Variants in PRR16 observed in about 807,000 individuals in gnomAD.
PRR16 encodes the protein protein Largen.
In PRR16, 6 loss-of-function variants were observed where a neutral mutation model predicts 18.2. The ratio of observed to expected loss-of-function variants is 0.33; its 90% confidence interval spans 0.18 to 0.65. The LOEUF is 0.65. PRR16 is among the 30% of genes least tolerant of loss of function. The pLI is 0.74. For missense variants in PRR16, 412 were observed against 376.6 expected (o/e 1.09, Z -0.78); for synonymous variants, 151 against 147.8 (o/e 1.02, Z -0.16).
intron 1 of PRR16, among the ~76,000 whole-genome samples, chr5:120,679,803 C>G (rs1756916219): frequency 6.6e-6 from 1 of 151,868 alleles, no homozygotes; most frequent in Non-Finnish European, 1.5e-5. Flanking sequence ...AAAACAACAA[C>G]AACAAAAACA....
intron 1 of PRR16, chr5:120,618,680 C>T (rs1403686086): frequency 2.2e-6 from 1 of 447,820 alleles, no homozygotes; most frequent in Admixed American, 6.4e-5. Context: ...ATTTAAAAGT[C>T]TGCCTGTGTC....
At chr5:120,640,887 A>G (rs1005435513) in intron 1 of PRR16, among the ~76,000 whole-genome samples, 1 of 152,178 alleles carries the variant, frequency 6.6e-6, no homozygotes, top group Non-Finnish European at 1.5e-5. Context: ...TCACTTTGCC[A>G]TTCTGTGACT....
chr5:120,566,463 G>C lies in PRR16; in HGVS notation c.159+101818G>C, dbSNP rs140641095. Among the ~76,000 whole-genome samples, 429 of 152,252 alleles carry C rather than the reference G, an allele frequency of 2.8e-3. 1 individual carries two copies. Among genetic ancestry groups the C allele is most frequent in the African/African-American group, 8.9e-3 (369 of 41,544 alleles). On this transcript the variant is annotated intron_variant, in intron 1 of 1. Transcript: ENST00000407149. ...CTGCCATATACTTTTGAATCTTGTT[G>C]AGCTTTATGTATATTATTTTGGTGT...
At chr5:120,641,036 C>T (rs1755405076) in intron 1 of PRR16, among the ~76,000 whole-genome samples, 1 of 152,010 alleles carries the variant, frequency 6.6e-6, no homozygotes, top group African/African-American at 2.4e-5. Flanking sequence ...ACCAGAAGAG[C>T]AGAGTATGGG....
intron 1 of PRR16, among the ~76,000 whole-genome samples, chr5:120,580,715 A>C (rs1753244779): frequency 6.6e-6 from 1 of 152,098 alleles, no homozygotes; most frequent in Non-Finnish European, 1.5e-5. Flanking sequence ...TCAGCCTCCT[A>C]AAGTGCTGGG....
chr5:120,472,434 C>A lies in PRR16; in HGVS notation c.159+7789C>A, dbSNP rs536034394. 2.6e-5 allele frequency among the ~76,000 whole-genome samples: 4 copies of A among 152,124 alleles called. No homozygotes were observed. The East Asian group carries it at 7.7e-4, about 29-fold the overall frequency. Reference sequence around the variant, plus strand: ...GCATCAGTGGTTCTTAATAGTCTCCCTCCCCCCATATCACAAACCCCTTTG... The same window carrying A: ...GCATCAGTGGTTCTTAATAGTCTCCATCCCCCCATATCACAAACCCCTTTG... On this transcript the variant is annotated intron_variant, in intron 1 of 1. Transcript: ENST00000407149.
chr5:120,677,394 C>T (rs1756833422), intron 1 of PRR16, among the ~76,000 whole-genome samples: 1 of 152,128 alleles, frequency 6.6e-6, no homozygotes, highest in Non-Finnish European at 1.5e-5. Flanking sequence ...GTGTTGGACA[C>T]AGTTCTTTTA....
At chr5:120,583,047 C>T (rs1753325364) in intron 1 of PRR16, among the ~76,000 whole-genome samples, 1 of 152,134 alleles carries the variant, frequency 6.6e-6, no homozygotes, top group African/African-American at 2.4e-5. Context: ...ATTGGAAGGC[C>T]CATGTGGGGC....
intron 1 of PRR16, among the ~76,000 whole-genome samples, chr5:120,649,111 C>T (rs1035470801): frequency 2.6e-5 from 4 of 152,030 alleles, no homozygotes; most frequent in Admixed American, 2.0e-4. Flanking sequence ...AGTCAGTGCA[C>T]GCTGGCTCGA....
the PRR16 span, among the ~76,000 whole-genome samples, chr5:120,783,268 C>T: frequency 1.3e-5 from 2 of 152,198 alleles, no homozygotes; most frequent in South Asian, 2.1e-4. Context: ...TGAAATGAAA[C>T]GTTTTTTCTA....
At chr5:120,752,774 TACTC>T in the PRR16 span, among the ~76,000 whole-genome samples, 1 of 151,874 alleles carries the variant, frequency 6.6e-6, no homozygotes, top group African/African-American at 2.4e-5. Context: ...GTAGGGAAAA[TACTC>T]ATTACGAGAT....
chr5:120,623,775 G>T (rs759022665), intron 1 of PRR16, among the ~76,000 whole-genome samples: 1 of 151,974 alleles, frequency 6.6e-6, no homozygotes, highest in Non-Finnish European at 1.5e-5. Flanking sequence ...GTGTTACACC[G>T]AGGAAAAGCA....
At chr5:120,475,372 C>G (rs938470385) in intron 1 of PRR16, among the ~76,000 whole-genome samples, 6 of 152,116 alleles carry the variant, frequency 3.9e-5, no homozygotes, top group African/African-American at 1.2e-4. Context: ...TTTTTCCTTT[C>G]TTGTTTTTAT....
At chr5:120,612,657 G>A (rs1754373378) in intron 1 of PRR16, among the ~76,000 whole-genome samples, 1 of 152,104 alleles carries the variant, frequency 6.6e-6, no homozygotes, top group South Asian at 2.1e-4. Context: ...AGAACTATAA[G>A]TCCAATTAAA....
chr5:120,593,672 A>T (rs967878388), intron 1 of PRR16, among the ~76,000 whole-genome samples: 3 of 152,158 alleles, frequency 2.0e-5, no homozygotes, highest in Non-Finnish European at 4.4e-5. Flanking sequence ...CACCATCCTG[A>T]TACCAAAACC....
At chr5:120,574,690 A>C (rs189350493) in intron 1 of PRR16, among the ~76,000 whole-genome samples, 1 of 149,288 alleles carries the variant, frequency 6.7e-6, no homozygotes. Flanking sequence ...TCAAAGAGAA[A>C]TGCAAATTAA....
intron 1 of PRR16, among the ~76,000 whole-genome samples, chr5:120,520,715 T>A (rs901839658): frequency 3.3e-5 from 5 of 152,176 alleles, no homozygotes; most frequent in African/African-American, 1.2e-4. Context: ...CACATATGTG[T>A]TACATCTGAA....
intron 1 of PRR16, among the ~76,000 whole-genome samples, chr5:120,572,530 G>A (rs766034219): frequency 9.2e-5 from 14 of 152,060 alleles, no homozygotes; most frequent in Non-Finnish European, 1.2e-4. Flanking sequence ...CATTCCCAAC[G>A]TAGATATACA....
At chr5:120,692,800 T>C in the PRR16 span, among the ~76,000 whole-genome samples, 1 of 152,192 alleles carries the variant, frequency 6.6e-6, no homozygotes, top group Non-Finnish European at 1.5e-5. Flanking sequence ...GCTAAAAGCT[T>C]AGTGGGGGGA....
Sources: allele counts gnomAD v4.1 joint callset (sites outside exome capture counted in the v4.1 genomes callset), GRCh38; gene constraint gnomAD v4.1.1; transcripts MANE v1.5; gene names NCBI Gene and HGNC (gene_info 2026-07-23, HGNC 2026-07-21).